Variants in C10orf90 observed in about 807,000 individuals in gnomAD.
The protein encoded by C10orf90 is (E2-independent) E3 ubiquitin-conjugating enzyme FATS.
A neutral mutation model predicts 62.5 loss-of-function variants in C10orf90; 56 were observed. That is an observed-to-expected ratio of 0.90 (90% CI 0.72 to 1.12). C10orf90 has a LOEUF of 1.12. Ranked by LOEUF, C10orf90 falls within the 50% of genes most tolerant of loss-of-function variation. The pLI, the probability that C10orf90 is intolerant of heterozygous loss-of-function variation, is 0.00. For synonymous variants in C10orf90, 386 were observed against 340.4 expected (o/e 1.13, Z -1.47); for missense variants, 970 against 880.4 (o/e 1.10, Z -1.29).
intron 2 of C10orf90, among the ~76,000 whole-genome samples, chr10:126,635,937 C>CA (rs1845942825): frequency 6.6e-6 from 1 of 152,194 alleles, no homozygotes; most frequent in South Asian, 2.1e-4. Context: ...CTGAATCTCT[C>CA]ACAATATTAT....
chr10:126,588,630 A>G (rs1472443971), intron 2 of C10orf90, among the ~76,000 whole-genome samples: 1 of 152,170 alleles, frequency 6.6e-6, no homozygotes, highest in Non-Finnish European at 1.5e-5. Flanking sequence ...AAAGAAAACA[A>G]AACAAAACAA....
intron 2 of C10orf90, among the ~76,000 whole-genome samples, chr10:126,588,429 C>A (rs1844916457): frequency 6.6e-6 from 1 of 152,136 alleles, no homozygotes; most frequent in South Asian, 2.1e-4. Context: ...CAGGAGTGTT[C>A]CAGCCGGCAT....
intron 2 of C10orf90, among the ~76,000 whole-genome samples, chr10:126,532,792 G>A (rs1360723453): frequency 4.7e-5 from 5 of 105,606 alleles, no homozygotes; most frequent in Middle Eastern, 0.01. Context: ...AGCCGAGATC[G>A]CGCCACTGCA....
intron 2 of C10orf90, among the ~76,000 whole-genome samples, chr10:126,596,705 T>C (rs1845093784): frequency 1.3e-5 from 2 of 152,232 alleles, no homozygotes; most frequent in Non-Finnish European, 2.9e-5. Flanking sequence ...TATTGAATAC[T>C]GTAGTAAAAT....
chr10:126,560,005 C>G (rs1015320153), intron 2 of C10orf90, among the ~76,000 whole-genome samples: 4 of 152,160 alleles, frequency 2.6e-5, no homozygotes, highest in African/African-American at 9.7e-5. Context: ...AGTTCTAGGC[C>G]TCTTTCCTTT....
intron 2 of C10orf90, among the ~76,000 whole-genome samples, chr10:126,538,136 G>C (rs1182110654): frequency 6.6e-6 from 1 of 152,120 alleles, no homozygotes; most frequent in Admixed American, 6.5e-5. Flanking sequence ...CATGGTGGAA[G>C]GCAAAAAAGG....
chr10:126,593,356 A>G (rs1218967487), intron 2 of C10orf90, among the ~76,000 whole-genome samples: 1 of 152,254 alleles, frequency 6.6e-6, no homozygotes, highest in Non-Finnish European at 1.5e-5. Flanking sequence ...CTATGCAGCC[A>G]TAAAAAGAAA....
chr10:126,551,598 C>G (rs954395830), intron 2 of C10orf90, among the ~76,000 whole-genome samples: 4 of 152,148 alleles, frequency 2.6e-5, no homozygotes, highest in Non-Finnish European at 4.4e-5. Flanking sequence ...TCAAATGCAA[C>G]CTACTGAATC....
chr10:126,604,270 G>GT (rs1393576334), intron 2 of C10orf90, among the ~76,000 whole-genome samples: 2 of 152,146 alleles, frequency 1.3e-5, no homozygotes, highest in Non-Finnish European at 2.9e-5. Context: ...GAGCCCAGGG[G>GT]AAACCAGCAT....
intron 7 of C10orf90, among the ~76,000 whole-genome samples, chr10:126,455,613 G>C (rs956994433): frequency 6.6e-6 from 1 of 152,222 alleles, no homozygotes; most frequent in Non-Finnish European, 1.5e-5. Context: ...GGTGGCACCC[G>C]GGTGAGGAGA....
intron 7 of C10orf90, among the ~76,000 whole-genome samples, chr10:126,440,020 T>G (rs2134019163): frequency 6.6e-6 from 1 of 152,300 alleles, no homozygotes; most frequent in South Asian, 2.1e-4. Context: ...CCAGCTGAAC[T>G]TTGTAACAAT....
rs1213889972 is a variant in C10orf90, at chr10:126,532,861, T to A, written c.314-18922A>T. 3.9e-4 allele frequency among the ~76,000 whole-genome samples: 8 copies of A among 20,390 alleles called. 3 individuals are homozygous for A. The highest frequency in any genetic ancestry group is 1.0e-3 in the Non-Finnish European group (7 of 6,702). The allele number at this position is 20,390 out of a possible 152,430, so 13.4% of individuals were successfully genotyped here. A position where few individuals can be genotyped will look rare whatever the true frequency, so the allele number is the denominator to read the frequency against. On this transcript the variant is annotated intron_variant, in intron 2 of 9. Transcript: ENST00000488181. ...ACGTCTCAAAAAAAAAAAAAAATAG[T>A]GAGCACAAAACAAGTGTTTTCAAAA...
intron 2 of C10orf90, among the ~76,000 whole-genome samples, chr10:126,556,325 C>T (rs1202580992): frequency 6.6e-6 from 1 of 152,164 alleles, no homozygotes; most frequent in East Asian, 1.9e-4. Flanking sequence ...TGAGTGGGGA[C>T]TCTGCAAAGG....
chr10:126,622,326 C>T (rs779706620), intron 2 of C10orf90, among the ~76,000 whole-genome samples: 1 of 152,136 alleles, frequency 6.6e-6, no homozygotes, highest in Non-Finnish European at 1.5e-5. Flanking sequence ...CCCAACTTTC[C>T]AATCTTCATC....
intron 4 of C10orf90, among the ~76,000 whole-genome samples, chr10:126,477,690 A>C (rs1860961812): frequency 6.6e-6 from 1 of 152,346 alleles, no homozygotes; most frequent in Admixed American, 6.5e-5. Flanking sequence ...AAGCCTAAAC[A>C]TGCAATGTTT....
chr10:126,436,444 T>A (rs17154802), intron 7 of C10orf90, among the ~76,000 whole-genome samples: 26 of 140,996 alleles, frequency 1.8e-4, no homozygotes, highest in East Asian at 3.8e-4. Context: ...CAAAAAAAAA[T>A]GAGCATTAGA....
chr10:126,527,231 C>T (rs187101866), intron 2 of C10orf90, among the ~76,000 whole-genome samples: 6 of 152,222 alleles, frequency 3.9e-5, no homozygotes, highest in African/African-American at 7.2e-5. Flanking sequence ...TTGTTATTGT[C>T]GTCTTTTGGA....
intron 2 of C10orf90, among the ~76,000 whole-genome samples, chr10:126,525,636 C>T (rs1863917730): frequency 1.3e-5 from 2 of 152,262 alleles, no homozygotes; most frequent in South Asian, 4.1e-4. Flanking sequence ...TCTGGAGAGA[C>T]ACTGAAACTG....
chr10:126,435,951 G>A (rs1467899758), intron 7 of C10orf90, among the ~76,000 whole-genome samples: 1 of 152,094 alleles, frequency 6.6e-6, no homozygotes, highest in East Asian at 1.9e-4. Flanking sequence ...AAGAGACCCA[G>A]TGCTTAATAT....
Sources: gnomAD v4.1 joint callset for allele counts (sites outside exome capture counted in the v4.1 genomes callset) on GRCh38, gnomAD v4.1.1 for gene constraint, MANE v1.5 for transcripts, NCBI Gene and HGNC (gene_info 2026-07-23, HGNC 2026-07-21) for gene names.